The following PTPRC variants were observed in gnomAD, a reference collection of about 807,000 sequenced individuals.
PTPRC encodes the protein receptor-type tyrosine-protein phosphatase C.
Under a neutral mutation model 155.9 loss-of-function variants are expected in PTPRC, and 44 were observed. The ratio of observed to expected loss-of-function variants is 0.28; its 90% CI spans 0.22 to 0.36. The LOEUF (loss-of-function observed/expected upper bound fraction) is 0.36. PTPRC is among the 10% of genes least tolerant of loss of function. The probability of loss-of-function intolerance (pLI) is 1.00; values close to 1 mark genes in which losing one functional copy is unlikely to be tolerated. For synonymous variants in PTPRC, 525 were observed against 533.1 expected (o/e 0.98, Z 0.21); for missense variants, 1,401 against 1,564.6 (o/e 0.90, Z 1.76).
intron 2 of PTPRC, among the ~76,000 whole-genome samples, chr1:198,665,242 G>A (rs1035870614): frequency 1.5e-4 from 22 of 150,700 alleles, no homozygotes; most frequent in South Asian, 2.1e-4. Flanking sequence ...GGCGCCCGCC[G>A]CCACGCCTGG....
At position 198,752,704 on chromosome 1, in the gene PTPRC, A is replaced by C. The variant is rs1198163582; in HGVS notation, c.3441A>C (p.Lys1147Asn). Residue 1147 changes from lysine (K) to asparagine (N), a missense_variant, in exon 31 of 33, where the codon AAA becomes AAC. Lys to Asn is a moderately conservative substitution (Grantham distance 94, BLOSUM62 0). Transcript: ENST00000442510. ...CTATGATTCAGGTCGTCAAACAAAAACTTCCCCAGAAGAATTCCTCTGAAG... is the reference window on the plus strand; with the variant it reads ...CTATGATTCAGGTCGTCAAACAAAACCTTCCCCAGAAGAATTCCTCTGAAG... ...LISMIQVVKQ[K>N]LPQKNSSEGN... 1 of 1,612,956 alleles carries C rather than the reference A, an allele frequency of 6.2e-7. No homozygotes were observed. Among genetic ancestry groups the C allele is most frequent in the Non-Finnish European group, 8.5e-7 (1 of 1,179,404 alleles).
At chr1:198,750,095 A>G (rs1359683045) in intron 28 of PTPRC, among the ~76,000 whole-genome samples, 1 of 151,926 alleles carries the variant, frequency 6.6e-6, no homozygotes, top group African/African-American at 2.4e-5. Context: ...TTCATAGAAT[A>G]TTAGTTTAAT....
intron 3 of PTPRC, chr1:198,694,326 TGGGGGGGTTGGGGA>T: frequency 3.2e-5 from 1 of 31,690 alleles, no homozygotes; most frequent in Non-Finnish European, 4.1e-5. Context: ...TGGGTGGGGG[TGGGGGGGTTGGGGA>T]GGGTCTGCCT....
At chr1:198,752,416 C>A (rs1655426567) in intron 30 of PTPRC, 45 bp downstream of exon 30, 3 of 1,603,816 alleles carry the variant, frequency 1.9e-6, no homozygotes, top group Non-Finnish European at 2.6e-6. Flanking sequence ...TATAATGGAT[C>A]TGGTAGCAAA....
At chr1:198,740,401 A>G (rs1003247869) in intron 23 of PTPRC, among the ~76,000 whole-genome samples, 18 of 151,884 alleles carry the variant, frequency 1.2e-4, no homozygotes, top group Admixed American at 9.8e-4. Flanking sequence ...AATATGGTGA[A>G]ACCCCGTCTC....
At chr1:198,657,053 A>T (rs1259359763) in intron 2 of PTPRC, among the ~76,000 whole-genome samples, 1 of 150,800 alleles carries the variant, frequency 6.6e-6, no homozygotes, top group Non-Finnish European at 1.5e-5. Flanking sequence ...TATATATATA[A>T]ATATATATAT....
At chr1:198,725,607 C>T (rs1261126251) in intron 15 of PTPRC, among the ~76,000 whole-genome samples, 1 of 152,152 alleles carries the variant, frequency 6.6e-6, no homozygotes, top group Non-Finnish European at 1.5e-5. Flanking sequence ...TGCCTCATCC[C>T]TTCCCTGTAC....
chr1:198,698,745 G>T lies in PTPRC; in HGVS notation c.299-819G>T, dbSNP rs542182053. Among the ~76,000 whole-genome samples the T allele has an allele frequency of 2.6e-5, 4 of 151,678 alleles. No homozygotes were observed. The South Asian group carries it at 8.3e-4, about 32-fold the overall frequency. The stretch of plus-strand genomic sequence containing the variant: ...TATATATAAAGTATATGTATGTGTT[G>T]TGTGTATATATTTTAATCCTATGTA... On this transcript the variant is annotated intron_variant, in intron 4 of 32. Transcript: ENST00000442510.
intron 2 of PTPRC, among the ~76,000 whole-genome samples, chr1:198,654,497 A>G (rs570937980): frequency 6.6e-5 from 10 of 151,902 alleles, no homozygotes; most frequent in African/African-American, 2.4e-4. Context: ...TTTTTAGTGA[A>G]GAAAAGACAA....
At chr1:198,734,946 A>G (rs1337296015) in intron 22 of PTPRC, among the ~76,000 whole-genome samples, 181 bp from the exon 23 acceptor site, 1 of 151,762 alleles carries the variant, frequency 6.6e-6, no homozygotes, top group Non-Finnish European at 1.5e-5. Context: ...TTCAGGACAC[A>G]TTAGTGGGAA....
At position 198,744,215 on chromosome 1, in the gene PTPRC, G is replaced by C. The variant is rs1156892168; in HGVS notation, c.2847+12G>C. ...AGGCTGAATTCCAGGTAATGATAGT[G>C]ACAACAATAATAATAATTACAGATA... is the stretch of plus-strand genomic sequence containing the variant. On this transcript the variant is annotated intron_variant, in intron 26 of 32. Transcript: ENST00000442510. 6.3e-7 allele frequency: 1 copy of C among 1,592,870 alleles called. No homozygotes were observed. The highest frequency in any genetic ancestry group is 1.1e-5 in the South Asian group (1 of 90,342).
intron 22 of PTPRC, among the ~76,000 whole-genome samples, chr1:198,734,924 T>A (rs1654557440): frequency 6.6e-6 from 1 of 151,728 alleles, no homozygotes; most frequent in Admixed American, 6.6e-5. Context: ...CTAAAAAGTA[T>A]GAAGGAAATT....
chr1:198,743,601 A>G (rs1655011685), intron 25 of PTPRC, among the ~76,000 whole-genome samples: 1 of 151,866 alleles, frequency 6.6e-6, no homozygotes, highest in East Asian at 1.9e-4. Context: ...TTCTTATTAA[A>G]AGAATACTTT....
At chr1:198,652,458 A>G (rs576100423) in intron 2 of PTPRC, among the ~76,000 whole-genome samples, 2 of 152,008 alleles carry the variant, frequency 1.3e-5, no homozygotes, top group South Asian at 4.1e-4. Context: ...AGTTGTGTGT[A>G]AGCACCAGAG....
At position 198,740,463 on chromosome 1, in the gene PTPRC, T is replaced by C. The variant is rs558498792; in HGVS notation, c.2404-1406T>C. Among the ~76,000 whole-genome samples, 13 of 151,942 alleles carry C rather than the reference T, an allele frequency of 8.6e-5. 1 individual carries two copies. In the South Asian group the frequency reaches 2.5e-3, roughly 29 times the overall value. Reference sequence around the variant, plus strand: ...CAGGTGTGGTGGCATGCACCTGTAATCCCAGTTACTTGGGAGACTGAGGCA... The same window carrying C: ...CAGGTGTGGTGGCATGCACCTGTAACCCCAGTTACTTGGGAGACTGAGGCA... On this transcript the variant is annotated intron_variant, in intron 23 of 32. Coordinates refer to ENST00000442510, the MANE Select transcript of PTPRC (RefSeq NM_002838.5).
intron 14 of PTPRC, among the ~76,000 whole-genome samples, chr1:198,721,112 C>T (rs1421389200): frequency 1.3e-5 from 2 of 152,186 alleles, no homozygotes; most frequent in African/African-American, 4.8e-5. Flanking sequence ...TTCCCCCAAT[C>T]TTCAAAAGAT....
intron 8 of PTPRC, among the ~76,000 whole-genome samples, chr1:198,706,412 T>C (rs1009243765): frequency 6.6e-6 from 1 of 152,218 alleles, no homozygotes; most frequent in Non-Finnish European, 1.5e-5. Flanking sequence ...TTCCCATTAA[T>C]GATACATATT....
intron 13 of PTPRC, 107 bp downstream of exon 13, chr1:198,716,947 G>C (rs2102440632): frequency 9.3e-7 from 1 of 1,072,286 alleles, no homozygotes; most frequent in East Asian, 2.5e-5. Flanking sequence ...CATTTACCTG[G>C]CACATTTGTT....
In PTPRC at chr1:198,656,586, G is replaced by T. The variant is rs549165264; in HGVS notation, c.73+17245G>T. Among the ~76,000 whole-genome samples, 5 of 151,898 alleles carry T rather than the reference G, an allele frequency of 3.3e-5. No homozygotes were observed. In the East Asian group the frequency reaches 9.7e-4, roughly 30 times the overall value. ...AATGGAAGCTTGCCTGGCAATCAGT[G>T]CCAGAACAGACAGCTAGTCTGATGA... On this transcript the variant is annotated intron_variant, in intron 2 of 32. Transcript: ENST00000442510.
Sources: allele counts gnomAD v4.1 joint callset (sites outside exome capture counted in the v4.1 genomes callset), GRCh38; gene constraint gnomAD v4.1.1; transcripts MANE v1.5; gene names NCBI Gene and HGNC (gene_info 2026-07-23, HGNC 2026-07-21).